SDK2: variants seen among roughly 807,000 people sequenced by gnomAD.
SDK2 encodes protein sidekick-2.
In SDK2, 105 loss-of-function variants were observed where a neutral mutation model predicts 253.9. The ratio of observed to expected loss-of-function variants is 0.41; its 90% confidence interval spans 0.35 to 0.49. SDK2 has a LOEUF of 0.49. Among genes scored for constraint, SDK2 ranks in the 20% least tolerant of loss-of-function variants. The pLI is 0.06. For synonymous variants in SDK2, 1,249 were observed against 1,234.9 expected (o/e 1.01, Z -0.24); for missense variants, 2,608 against 3,003.0 (o/e 0.87, Z 3.07).
intron 1 of SDK2, among the ~76,000 whole-genome samples, chr17:73,579,344 C>A (rs1311578446): frequency 6.6e-6 from 1 of 152,162 alleles, no homozygotes; most frequent in African/African-American, 2.4e-5. Context: ...CTGCCCTCTG[C>A]AACTTTATGG....
intron 1 of SDK2, among the ~76,000 whole-genome samples, chr17:73,547,686 G>A (rs926297795): frequency 1.3e-5 from 2 of 152,202 alleles, no homozygotes; most frequent in Admixed American, 6.5e-5. Flanking sequence ...GGGAGGGAGG[G>A]CAAAGGAAAA....
At chr17:73,572,660 G>C (rs1334516492) in intron 1 of SDK2, among the ~76,000 whole-genome samples, 4 of 152,212 alleles carry the variant, frequency 2.6e-5, no homozygotes, top group African/African-American at 9.6e-5. Flanking sequence ...CCCAGTGCTA[G>C]GCACACAGCA....
At chr17:73,454,156 C>T (rs1414354235) in intron 4 of SDK2, among the ~76,000 whole-genome samples, 2 of 152,188 alleles carry the variant, frequency 1.3e-5, no homozygotes, top group African/African-American at 2.4e-5. Context: ...TGTGTGTTCA[C>T]ACAACAATGA....
At chr17:73,599,108 G>A (rs1175323074) in intron 1 of SDK2, among the ~76,000 whole-genome samples, 6 of 152,226 alleles carry the variant, frequency 3.9e-5, no homozygotes, top group Non-Finnish European at 5.9e-5. Context: ...GCTTCCAGAA[G>A]GCTGAGGCTG....
In SDK2 at chr17:73,472,200, C is replaced by T. The variant is rs1459820237; in HGVS notation, c.243G>A (p.Leu81=). The T allele has an allele frequency of 6.4e-7, 1 of 1,551,662 alleles. No individual in the cohort carries two copies. Among genetic ancestry groups the T allele is most frequent in the Admixed American group, 2.0e-5 (1 of 51,006 alleles). The part of the protein sequence containing the change: ...SLEYRYMITS[L]DRTHAGFYRC... The stretch of plus-strand genomic sequence containing the variant: ...GGTAAAAGCCAGCGTGGGTGCGGTC[C>T]AGGCTGGTGATCATGTATCTATGGG... The change falls in exon 3 of 45, where the codon CTG becomes CTA. Residue 81 remains leucine, a synonymous_variant. Transcript: ENST00000392650.
chr17:73,345,566 A>G (rs144661356), intron 44 of SDK2, among the ~76,000 whole-genome samples: 7 of 152,314 alleles, frequency 4.6e-5, no homozygotes, highest in Non-Finnish European at 7.3e-5. Context: ...GCTGTTGAGT[A>G]AATGCATCAA....
chr17:73,456,933 G>A (rs978223096), intron 3 of SDK2, among the ~76,000 whole-genome samples: 3 of 152,208 alleles, frequency 2.0e-5, no homozygotes, highest in Non-Finnish European at 4.4e-5. Flanking sequence ...TACTTTGATT[G>A]TGGCCCATGG....
intron 1 of SDK2, among the ~76,000 whole-genome samples, chr17:73,526,798 T>C (rs4789106): frequency 0.7 from 106,717 of 152,160 alleles, 37,613 homozygotes; most frequent in East Asian, 0.8. Flanking sequence ...AGAGGACAGT[T>C]ACGTGCAGTG....
intron 25 of SDK2, 29 bp from the exon 26 acceptor site, chr17:73,394,353 C>CA: frequency 6.8e-7 from 1 of 1,461,628 alleles, no homozygotes; most frequent in African/African-American, 1.4e-5. Flanking sequence ...GGAGAGAAGG[C>CA]ACTCAGGACC....
rs1203199022 is a variant in SDK2 at position 73,401,152 on chromosome 17, G to A, written c.2839C>T (p.Pro947Ser). 2 of 1,560,092 alleles carry A rather than the reference G, an allele frequency of 1.3e-6. No individual in the cohort carries two copies. The highest frequency in any genetic ancestry group is 1.9e-5 in the Admixed American group (1 of 51,852). The change falls in exon 21 of 45, where the codon CCC becomes TCC. Residue 947 changes from proline (P) to serine (S), a missense_variant. Physicochemically the swap from Pro to Ser is moderately conservative, Grantham distance 74. This residue lies in a region of SDK2 where 1,505 missense variants were observed against 1,859.1 expected (regional missense o/e 0.81). Coordinates refer to ENST00000392650, the MANE Select transcript of SDK2 (RefSeq NM_001144952.2). ...ACACGGTACTCCAGGGTCACGTTGGGCAGGTAGTGGGTCACACGGGTGTTG... is the reference window on the plus strand; with the variant it reads ...ACACGGTACTCCAGGGTCACGTTGGACAGGTAGTGGGTCACACGGGTGTTG... ...RTNTRVTHYL[P>S]NVTLEYRVTG...
chr17:73,437,907 C>T, intron 7 of SDK2, 57 bp downstream of exon 7: 1 of 1,593,696 alleles, frequency 6.3e-7, no homozygotes, highest in Non-Finnish European at 8.6e-7. Context: ...TAAGGAGGAC[C>T]CTCGCCGTGC....
At chr17:73,622,338 T>C (rs2046143187) in intron 1 of SDK2, among the ~76,000 whole-genome samples, 1 of 152,224 alleles carries the variant, frequency 6.6e-6, no homozygotes, top group South Asian at 2.1e-4. Flanking sequence ...GTTATCTGCA[T>C]GTGCAGATTT....
chr17:73,615,973 AAC>A (rs1460509353), intron 1 of SDK2, among the ~76,000 whole-genome samples: 5 of 152,164 alleles, frequency 3.3e-5, no homozygotes, highest in African/African-American at 1.2e-4. Flanking sequence ...CATGCACATG[AAC>A]ACACAACCCA....
At chr17:73,592,081 G>A (rs1264034871) in intron 1 of SDK2, among the ~76,000 whole-genome samples, 1 of 152,222 alleles carries the variant, frequency 6.6e-6, no homozygotes, top group African/African-American at 2.4e-5. Flanking sequence ...GCTGATCCCA[G>A]GCTTCCGGAC....
At position 73,644,128 on chromosome 17, in the gene SDK2, C is replaced by T. The variant is rs1429093959; in HGVS notation, c.-40G>A. 8 of 1,506,148 alleles carry T rather than the reference C, an allele frequency of 5.3e-6. 1 individual carries two copies. The South Asian group carries it at 9.6e-5, about 18-fold the overall frequency. 93.3% of individuals were successfully genotyped at this position (1,506,148 alleles called of 1,614,324 possible). On this transcript the variant is annotated 5_prime_UTR_variant, in exon 1 of 45. Coordinates refer to ENST00000392650, the MANE Select transcript of SDK2 (RefSeq NM_001144952.2). The surrounding 1 kb of genome is among the most constrained non-coding windows in gnomAD (Gnocchi z 6.3). The stretch of plus-strand genomic sequence containing the variant: ...AGAGGGGTCCTCGGGGTCTCCCTTC[C>T]CTCCGCCCTGTTTTATAATCCTGGT...
intron 1 of SDK2, among the ~76,000 whole-genome samples, chr17:73,522,135 A>G (rs1454646997): frequency 6.8e-6 from 1 of 146,624 alleles, no homozygotes; most frequent in Non-Finnish European, 1.5e-5. Context: ...TGCTCCTTCC[A>G]CAAGGCCGGT....
At chr17:73,577,621 G>A (rs1318706326) in intron 1 of SDK2, among the ~76,000 whole-genome samples, 1 of 152,208 alleles carries the variant, frequency 6.6e-6, no homozygotes, top group African/African-American at 2.4e-5. Context: ...CCTGAGAGAG[G>A]CAGGTGCTGT....
chr17:73,509,433 T>G (rs1460200174), intron 1 of SDK2, among the ~76,000 whole-genome samples: 1 of 152,090 alleles, frequency 6.6e-6, no homozygotes, highest in African/African-American at 2.4e-5. Flanking sequence ...GTCAGACAGC[T>G]AACTTTACCC....
intron 1 of SDK2, among the ~76,000 whole-genome samples, chr17:73,509,909 A>G (rs1224148534): frequency 7.0e-6 from 1 of 143,024 alleles, no homozygotes; most frequent in African/African-American, 2.6e-5. Context: ...CTACAAAAAA[A>G]AAAAAAAAAA....
Sources: gnomAD v4.1 joint callset for allele counts (sites outside exome capture counted in the v4.1 genomes callset) on GRCh38, gnomAD v4.1.1 for gene constraint, gnomAD v4.1.1 regional missense constraint, Gnocchi (gnomAD v3.1) non-coding constraint, MANE v1.5 for transcripts, NCBI Gene and HGNC (gene_info 2026-07-23, HGNC 2026-07-21) for gene names.